The following SYCP2L variants were observed in gnomAD, a reference collection of about 807,000 sequenced individuals.
SYCP2L encodes the protein synaptonemal complex protein 2 like, also known as synaptonemal complex protein 2-like.
Under a neutral mutation model 125.8 loss-of-function variants are expected in SYCP2L, and 98 were observed. The ratio of observed to expected loss-of-function variants is 0.78; its 90% CI spans 0.66 to 0.92. SYCP2L has a LOEUF of 0.92. Ranked by LOEUF, SYCP2L falls within the 40% of genes least tolerant of loss-of-function variation. The pLI, the probability that SYCP2L is intolerant of heterozygous loss-of-function variation, is 0.00. For missense variants in SYCP2L, 842 were observed against 936.4 expected, an observed-to-expected ratio of 0.90 and a Z score of 1.32; for synonymous variants, 317 against 325.4, an observed-to-expected ratio of 0.97 and a Z score of 0.28.
At chr6:10,926,814 C>G (rs996883751) in intron 16 of SYCP2L, among the ~76,000 whole-genome samples, 3 of 144,070 alleles carry the variant, frequency 2.1e-5, no homozygotes, top group Non-Finnish European at 4.5e-5. Flanking sequence ...GAGTCTTGCT[C>G]TGTTGCCCAG....
chr6:10,941,854 G>C lies in SYCP2L; in HGVS notation c.1814-605G>C, dbSNP rs1407296673. ...ATGCTGCTATAAAGACACATGCACA[G>C]GTATATTTATTGTGGCACTATTCAC... On this transcript the variant is annotated intron_variant, in intron 21 of 29. Coordinates refer to ENST00000283141, the MANE Select transcript of SYCP2L (RefSeq NM_001040274.3). Among the ~76,000 whole-genome samples the C allele has an allele frequency of 3.9e-5, 6 of 152,092 alleles. No homozygotes were observed. In the South Asian group the frequency reaches 1.2e-3, roughly 32 times the overall value.
intron 20 of SYCP2L, among the ~76,000 whole-genome samples, chr6:10,931,820 C>T (rs1267708446): frequency 6.6e-6 from 1 of 151,980 alleles, no homozygotes; most frequent in African/African-American, 2.4e-5. Context: ...CAAAAATTAG[C>T]CAGGCGTGGT....
intron 6 of SYCP2L, among the ~76,000 whole-genome samples, chr6:10,901,938 G>A (rs1780381893): frequency 6.6e-6 from 1 of 152,166 alleles, no homozygotes. Context: ...TTCCTTGTTG[G>A]TTGCAACCAG....
chr6:10,921,192 C>A (rs553071646), intron 14 of SYCP2L, among the ~76,000 whole-genome samples: 2 of 152,148 alleles, frequency 1.3e-5, no homozygotes, highest in African/African-American at 4.8e-5. Context: ...CCATCCATGT[C>A]CCTGCAAAGG....
Position 10,963,838 on chromosome 6 carries a change from C to T in SYCP2L, c.*32C>T. The T allele has an allele frequency of 6.2e-7, 1 of 1,613,126 alleles. No individual in the cohort carries two copies. Among genetic ancestry groups the T allele is most frequent in the East Asian group, 2.2e-5 (1 of 44,844 alleles). On this transcript the variant is annotated 3_prime_UTR_variant, in exon 29 of 30. Transcript: ENST00000283141. ...CAAAGCCTGGTTTTATGATTGCAGCCCTCAGGTAGGTGCAAAGATTTGCAT... is the reference window on the plus strand; with the variant it reads ...CAAAGCCTGGTTTTATGATTGCAGCTCTCAGGTAGGTGCAAAGATTTGCAT...
intron 21 of SYCP2L, among the ~76,000 whole-genome samples, chr6:10,941,727 A>G (rs971537747): frequency 1.1e-4 from 17 of 152,228 alleles, no homozygotes; most frequent in African/African-American, 3.9e-4. Context: ...TAGTTCAACC[A>G]TTGTGGAAGT....
At chr6:10,922,137 C>G (rs568004997) in intron 14 of SYCP2L, among the ~76,000 whole-genome samples, 1 of 152,238 alleles carries the variant, frequency 6.6e-6, no homozygotes, top group South Asian at 2.1e-4. Context: ...AATGTGGGTG[C>G]TCAGTTAACA....
rs536323829 is a variant in SYCP2L at position 10,902,159 on chromosome 6, G to A, written c.467-518G>A. Among the ~76,000 whole-genome samples, 10 of 152,304 alleles carry A rather than the reference G, an allele frequency of 6.6e-5. No individual in the cohort carries two copies. The East Asian group carries it at 9.7e-4, about 15-fold the overall frequency. On this transcript the variant is annotated intron_variant, in intron 6 of 29. Transcript: ENST00000283141. Reference sequence around the variant, plus strand: ...CTCACCCAAATAGCACAATTGCTCCGTAACAGAGGAGTGGGGAAGGATGGT... The same window carrying A: ...CTCACCCAAATAGCACAATTGCTCCATAACAGAGGAGTGGGGAAGGATGGT...
At chr6:10,895,943 A>G (rs753856119) in intron 4 of SYCP2L, among the ~76,000 whole-genome samples, 2 of 152,156 alleles carry the variant, frequency 1.3e-5, no homozygotes, top group Non-Finnish European at 2.9e-5. Flanking sequence ...ACCTGAGGTC[A>G]GGGGTTCAAG....
At position 10,937,357 on chromosome 6, in the gene SYCP2L, T is replaced by G. The variant is rs547830283; in HGVS notation, c.1813+2170T>G. ...ACTCCCGAATAACCAATGGATCAAATAAATTAAAAGGGAAATTAAAAAATC... is the reference window on the plus strand; with the variant it reads ...ACTCCCGAATAACCAATGGATCAAAGAAATTAAAAGGGAAATTAAAAAATC... On this transcript the variant is annotated intron_variant, in intron 21 of 29. Transcript: ENST00000283141. 1.2e-3 allele frequency among the ~76,000 whole-genome samples: 176 copies of G among 152,068 alleles called. 1 individual carries two copies. The highest frequency in any genetic ancestry group is 1.9e-3 in the Non-Finnish European group (131 of 67,936).
At chr6:10,891,655 G>GTA in intron 2 of SYCP2L, 74 bp downstream of exon 2, 6 of 799,478 alleles carry the variant, frequency 7.5e-6, no homozygotes, top group Non-Finnish European at 7.9e-6. Flanking sequence ...GTGTGTGTGT[G>GTA]TGTGTGTGTA....
At chr6:10,931,581 A>G (rs1367657405) in intron 20 of SYCP2L, 92 bp downstream of exon 20, 4 of 1,290,084 alleles carry the variant, frequency 3.1e-6, no homozygotes, top group Non-Finnish European at 4.4e-6. Flanking sequence ...AAAAATAACA[A>G]AATATTGGTT....
rs186172238 is a variant in SYCP2L, at chr6:10,948,113, C to T, written c.1954+5367C>T. Reference sequence around the variant, plus strand: ...AGGTATCTAATATGATATTTTGTTACGCATATGCATTGTGAAATGATTACC... The same window carrying T: ...AGGTATCTAATATGATATTTTGTTATGCATATGCATTGTGAAATGATTACC... On this transcript the variant is annotated intron_variant, in intron 23 of 29. Coordinates refer to ENST00000283141, the MANE Select transcript of SYCP2L (RefSeq NM_001040274.3). Among the ~76,000 whole-genome samples, 448 of 152,066 alleles carry T rather than the reference C, an allele frequency of 2.9e-3. 1 individual carries two copies. The highest frequency in any genetic ancestry group is 0.01 in the African/African-American group (433 of 41,478).
Position 10,942,539 on chromosome 6 carries a change from A to G in SYCP2L, c.1884+10A>G. 1 of 1,600,528 alleles carries G rather than the reference A, an allele frequency of 6.2e-7. No individual in the cohort carries two copies. The highest frequency in any genetic ancestry group is 8.5e-7 in the Non-Finnish European group (1 of 1,173,606). ...TGAAGAAAAACCTAAGGTACTATTTAATTGTTGGTTATTCATCTGATTTTC... is the reference window on the plus strand; with the variant it reads ...TGAAGAAAAACCTAAGGTACTATTTGATTGTTGGTTATTCATCTGATTTTC... On this transcript the variant is annotated intron_variant, in intron 22 of 29. Coordinates refer to ENST00000283141, the MANE Select transcript of SYCP2L (RefSeq NM_001040274.3).
chr6:10,915,869 C>G (rs1364327947), intron 14 of SYCP2L, among the ~76,000 whole-genome samples: 2 of 152,184 alleles, frequency 1.3e-5, no homozygotes, highest in African/African-American at 2.4e-5. Context: ...TTTTCTCTAT[C>G]TTGTGGAATA....
chr6:10,918,220 G>C (rs1581825442), intron 14 of SYCP2L, among the ~76,000 whole-genome samples: 1 of 150,886 alleles, frequency 6.6e-6, no homozygotes, highest in East Asian at 1.9e-4. Flanking sequence ...AAAAAGAAAA[G>C]GAAAGAAAAC....
chr6:10,921,062 A>G (rs143022908), intron 14 of SYCP2L, among the ~76,000 whole-genome samples: 102 of 152,138 alleles, frequency 6.7e-4, no homozygotes, highest in African/African-American at 2.3e-3. Flanking sequence ...AGGCCCCAGT[A>G]TGTGTTCCCC....
intron 17 of SYCP2L, among the ~76,000 whole-genome samples, chr6:10,928,053 C>A (rs1780928860): frequency 2.6e-5 from 4 of 152,090 alleles, no homozygotes; most frequent in South Asian, 2.1e-4. Context: ...TTATCCTGTT[C>A]TTTTTTCAAG....
In SYCP2L at chr6:10,954,293, A is replaced by T. The variant is rs1006897735; in HGVS notation, c.1955-823A>T. Among the ~76,000 whole-genome samples, 3 of 152,170 alleles carry T rather than the reference A, an allele frequency of 2.0e-5. No individual in the cohort carries two copies. The highest frequency in any genetic ancestry group is 4.4e-5 in the Non-Finnish European group (3 of 68,038). ...TGAAGTAAAGATGTCAAATACTTGG[A>T]GACACAAGTTGGCCGCTTGAGAGAG... On this transcript the variant is annotated intron_variant, in intron 23 of 29. Transcript: ENST00000283141. The surrounding 1 kb of genome is among the most constrained non-coding windows in gnomAD (Gnocchi z 4.8).
Sources: gnomAD v4.1 joint callset for allele counts (sites outside exome capture counted in the v4.1 genomes callset) on GRCh38, gnomAD v4.1.1 for gene constraint, Gnocchi (gnomAD v3.1) non-coding constraint, MANE v1.5 for transcripts, NCBI Gene and HGNC (gene_info 2026-07-23, HGNC 2026-07-21) for gene names.